Variants in EXOC4 observed in about 807,000 individuals in gnomAD.
EXOC4 encodes the protein exocyst complex component 4.
In EXOC4, 71 loss-of-function variants were observed where a neutral mutation model predicts 107.2. The ratio of observed to expected loss-of-function variants is 0.66; its 90% CI spans 0.55 to 0.81. The LOEUF (loss-of-function observed/expected upper bound fraction) is 0.81, where lower values mean the gene tolerates loss of function less well. Among genes scored for constraint, EXOC4 ranks in the 30% least tolerant of loss-of-function variants. The probability of loss-of-function intolerance (pLI) is 0.00; values close to 1 mark genes in which losing one functional copy is unlikely to be tolerated. For synonymous variants in EXOC4, 456 were observed against 441.2 expected (o/e 1.03, Z -0.42); for missense variants, 1,108 against 1,189.6 (o/e 0.93, Z 1.01).
At chr7:133,358,405 C>G (rs118003430) in intron 6 of EXOC4, among the ~76,000 whole-genome samples, 139 of 152,276 alleles carry the variant, frequency 9.1e-4, no homozygotes, top group Non-Finnish European at 1.7e-3. Context: ...ACATGCATGC[C>G]TGCTTGTATA....
intron 9 of EXOC4, among the ~76,000 whole-genome samples, chr7:133,506,616 T>C (rs1292933451): frequency 6.6e-6 from 1 of 152,166 alleles, no homozygotes; most frequent in East Asian, 1.9e-4. Flanking sequence ...AAAGATAGTC[T>C]TATCTAAAAT....
intron 10 of EXOC4, among the ~76,000 whole-genome samples, chr7:133,706,073 A>G (rs1794763168): frequency 1.3e-5 from 2 of 152,212 alleles, no homozygotes; most frequent in African/African-American, 4.8e-5. Flanking sequence ...ATTTTTAAAA[A>G]AAGTATAGTA....
At chr7:133,379,312 T>G (rs957497572) in intron 7 of EXOC4, among the ~76,000 whole-genome samples, 1 of 152,104 alleles carries the variant, frequency 6.6e-6, no homozygotes, top group Non-Finnish European at 1.5e-5. Context: ...TCTTTAAACT[T>G]GAACATTTAT....
chr7:133,854,900 T>A (rs140914311), intron 11 of EXOC4, among the ~76,000 whole-genome samples: 1,792 of 149,538 alleles, frequency 0.012, 34 homozygotes, highest in African/African-American at 0.042. Flanking sequence ...GTGCAGTATA[T>A]CATCCCTACT....
At chr7:133,687,534 C>T (rs1023340085) in intron 10 of EXOC4, among the ~76,000 whole-genome samples, 1 of 152,124 alleles carries the variant, frequency 6.6e-6, no homozygotes, top group Non-Finnish European at 1.5e-5. Flanking sequence ...CCCTAGTTCC[C>T]GTTTTCTTTA....
chr7:133,474,904 A>G (rs1025557486), intron 7 of EXOC4, among the ~76,000 whole-genome samples: 95 of 152,152 alleles, frequency 6.2e-4, no homozygotes, highest in Non-Finnish European at 1.3e-4. Context: ...TTTAAAAGAG[A>G]TAATACATTT....
intron 6 of EXOC4, among the ~76,000 whole-genome samples, chr7:133,370,048 T>G (rs1796337912): frequency 6.6e-6 from 1 of 152,058 alleles, no homozygotes; most frequent in Non-Finnish European, 1.5e-5. Context: ...CACCTCGGCC[T>G]CCCGAAGTGC....
At chr7:133,432,347 A>G (rs928873293) in intron 7 of EXOC4, among the ~76,000 whole-genome samples, 7 of 152,180 alleles carry the variant, frequency 4.6e-5, no homozygotes, top group Non-Finnish European at 1.0e-4. Context: ...GTGGATGATA[A>G]TAATAAATTC....
At chr7:133,573,731 A>T (rs1018955901) in intron 9 of EXOC4, among the ~76,000 whole-genome samples, 1 of 151,728 alleles carries the variant, frequency 6.6e-6, no homozygotes, top group Non-Finnish European at 1.5e-5. Context: ...CTCACTCACT[A>T]CAACCTTCCA....
At chr7:133,716,568 G>T (rs1285417826) in intron 10 of EXOC4, among the ~76,000 whole-genome samples, 1 of 152,154 alleles carries the variant, frequency 6.6e-6, no homozygotes, top group Non-Finnish European at 1.5e-5. Flanking sequence ...ATGACATATA[G>T]AAATGGAAAT....
At chr7:133,711,323 G>A (rs1312135808) in intron 10 of EXOC4, among the ~76,000 whole-genome samples, 1 of 152,202 alleles carries the variant, frequency 6.6e-6, no homozygotes, top group Non-Finnish European at 1.5e-5. Flanking sequence ...GAGCTGGATT[G>A]CAATGCTCAG....
At chr7:133,300,507 C>T (rs1794618637) in intron 3 of EXOC4, among the ~76,000 whole-genome samples, 1 of 152,190 alleles carries the variant, frequency 6.6e-6, no homozygotes, top group Non-Finnish European at 1.5e-5. Flanking sequence ...ATTCCCCCGA[C>T]CACCATTTGT....
intron 11 of EXOC4, among the ~76,000 whole-genome samples, chr7:133,882,021 A>G (rs1234669516): frequency 6.6e-6 from 1 of 152,164 alleles, no homozygotes; most frequent in Non-Finnish European, 1.5e-5. Flanking sequence ...CTCTAAAAAA[A>G]AAATAACCAC....
chr7:133,691,703 C>A (rs1463540366), intron 10 of EXOC4, among the ~76,000 whole-genome samples: 1 of 152,036 alleles, frequency 6.6e-6, no homozygotes, highest in Non-Finnish European at 1.5e-5. Context: ...AGGAAATCAC[C>A]AGGGAGTAAT....
rs143155005 is a variant in EXOC4, at chr7:133,713,971, T to C, written c.1514+83830T>C. On this transcript the variant is annotated intron_variant, in intron 10 of 17. Coordinates refer to ENST00000253861, the MANE Select transcript of EXOC4 (RefSeq NM_021807.4). ...GTATCATAGAACATAAGAGCTATAA[T>C]GGAAACCAATAGGAAGCTGAGACAT... Among the ~76,000 whole-genome samples the C allele has an allele frequency of 2.4e-3, 362 of 152,228 alleles. 5 individuals are homozygous for C. Among genetic ancestry groups the C allele is most frequent in the African/African-American group, 8.1e-3 (338 of 41,540 alleles).
intron 11 of EXOC4, among the ~76,000 whole-genome samples, chr7:133,848,424 CA>C (rs1481240462): frequency 6.6e-6 from 1 of 152,174 alleles, no homozygotes; most frequent in Admixed American, 6.5e-5. Flanking sequence ...ACTCAAGGGA[CA>C]TCATATTATG....
At chr7:133,379,134 G>C (rs542351611) in intron 7 of EXOC4, among the ~76,000 whole-genome samples, 2 of 151,918 alleles carry the variant, frequency 1.3e-5, no homozygotes, top group Non-Finnish European at 2.9e-5. Context: ...TTTTCTCTCT[G>C]TATATATGGA....
At chr7:133,612,731 G>A (rs1231283265) in intron 9 of EXOC4, among the ~76,000 whole-genome samples, 1 of 152,178 alleles carries the variant, frequency 6.6e-6, no homozygotes, top group African/African-American at 2.4e-5. Flanking sequence ...GTAGCAGTGA[G>A]GGTGGTGAGA....
intron 10 of EXOC4, among the ~76,000 whole-genome samples, chr7:133,746,253 C>T (rs1795675445): frequency 6.6e-6 from 1 of 152,102 alleles, no homozygotes; most frequent in South Asian, 2.1e-4. Flanking sequence ...TTCCCCTATT[C>T]TGTTTTACAC....
Sources: gnomAD v4.1 joint callset for allele counts (sites outside exome capture counted in the v4.1 genomes callset) on GRCh38, gnomAD v4.1.1 for gene constraint, MANE v1.5 for transcripts, NCBI Gene and HGNC (gene_info 2026-07-23, HGNC 2026-07-21) for gene names.